SMG6: variants seen among roughly 807,000 people sequenced by gnomAD.
SMG6 encodes the protein telomerase-binding protein EST1A.
A neutral mutation model predicts 142.2 loss-of-function variants in SMG6; 66 were observed. The ratio of observed to expected loss-of-function variants is 0.46; its 90% CI spans 0.38 to 0.57. SMG6 has a LOEUF of 0.57. SMG6 is among the 20% of genes least tolerant of loss of function. The probability of loss-of-function intolerance (pLI) is 0.00; values close to 1 mark genes in which losing one functional copy is unlikely to be tolerated. For synonymous variants in SMG6, 779 were observed against 702.4 expected (o/e 1.11, Z -1.72); for missense variants, 1,793 against 1,832.0 (o/e 0.98, Z 0.39).
rs946501282 is a variant in SMG6 at position 2,090,200 on chromosome 17, A to G, written c.3358-4299T>C. Among the ~76,000 whole-genome samples the G allele has an allele frequency of 1.2e-4, 18 of 149,784 alleles. 1 individual carries two copies. The highest frequency in any genetic ancestry group is 2.7e-4 in the Non-Finnish European group (18 of 67,436). ...TCTGTCTCAAAAAAAAAAAAAAAAA[A>G]AAGGAAAGAAGAAAAAATGGTGTTC... is the stretch of plus-strand genomic sequence containing the variant. On this transcript the variant is annotated intron_variant, in intron 13 of 18. Coordinates refer to ENST00000263073, the MANE Select transcript of SMG6 (RefSeq NM_017575.5).
At chr17:2,127,160 A>G (rs2069922574) in intron 13 of SMG6, among the ~76,000 whole-genome samples, 1 of 151,416 alleles carries the variant, frequency 6.6e-6, no homozygotes, top group East Asian at 1.9e-4. Context: ...AAAAAAAAAA[A>G]AGACAAATAT....
intron 13 of SMG6, among the ~76,000 whole-genome samples, chr17:2,139,392 G>A (rs1013238681): frequency 5.3e-5 from 8 of 151,492 alleles, no homozygotes; most frequent in African/African-American, 7.3e-5. Context: ...CTATAAGACC[G>A]TGTGAAACTT....
chr17:2,287,854 A>G (rs975103714), intron 6 of SMG6, among the ~76,000 whole-genome samples: 11 of 152,228 alleles, frequency 7.2e-5, no homozygotes, highest in African/African-American at 2.7e-4. Flanking sequence ...AGCCAAATTC[A>G]TAGTGACAGA....
intron 8 of SMG6, among the ~76,000 whole-genome samples, chr17:2,278,670 C>T (rs2074714949): frequency 1.3e-5 from 2 of 152,098 alleles, no homozygotes; most frequent in African/African-American, 4.8e-5. Context: ...GCTTAAAATC[C>T]TTAGTACCTA....
chr17:2,297,686 G>C (rs557050118), intron 3 of SMG6, among the ~76,000 whole-genome samples, 177 bp downstream of exon 3: 5 of 152,182 alleles, frequency 3.3e-5, no homozygotes, highest in Admixed American at 2.6e-4. Context: ...AACTCCAATT[G>C]CCAGTAATTT....
intron 10 of SMG6, among the ~76,000 whole-genome samples, chr17:2,189,838 G>A (rs937727172): frequency 1.4e-5 from 2 of 147,026 alleles, no homozygotes; most frequent in South Asian, 2.1e-4. Flanking sequence ...CCCAACAAAC[G>A]AATAGCATCC....
intron 15 of SMG6, among the ~76,000 whole-genome samples, chr17:2,077,587 A>AC (rs1390402188): frequency 2.0e-5 from 3 of 152,256 alleles, no homozygotes; most frequent in African/African-American, 4.8e-5. Context: ...GGAGGGCCTT[A>AC]GTGTCTGCAC....
chr17:2,117,672 A>G (rs2151509741), intron 13 of SMG6: 1 of 152,370 alleles, frequency 6.6e-6, no homozygotes, highest in East Asian at 1.9e-4. Context: ...ATAAACTAGA[A>G]AAATGTTGTT....
At chr17:2,227,093 G>C (rs1372295814) in intron 10 of SMG6, among the ~76,000 whole-genome samples, 1 of 152,118 alleles carries the variant, frequency 6.6e-6, no homozygotes, top group African/African-American at 2.4e-5. Flanking sequence ...TGCTGACAAG[G>C]ATATAAAGAA....
At chr17:2,154,199 G>C (rs1396699650) in intron 13 of SMG6, among the ~76,000 whole-genome samples, 1 of 150,178 alleles carries the variant, frequency 6.7e-6, no homozygotes, top group East Asian at 2.0e-4. Context: ...GGGGGAACCT[G>C]GGGATGCACG....
intron 13 of SMG6, among the ~76,000 whole-genome samples, chr17:2,142,917 G>C (rs190039512): frequency 2.0e-5 from 3 of 147,020 alleles, no homozygotes; most frequent in African/African-American, 7.5e-5. Context: ...AAAAAAGTAG[G>C]CAAATATTTG....
intron 15 of SMG6, among the ~76,000 whole-genome samples, chr17:2,080,703 T>C (rs995072941): frequency 6.6e-6 from 1 of 151,960 alleles, no homozygotes; most frequent in Non-Finnish European, 1.5e-5. Context: ...TGGTGCAAGA[T>C]TGGCTCACTG....
intron 15 of SMG6, among the ~76,000 whole-genome samples, chr17:2,078,192 G>A (rs75158056): frequency 0.014 from 2,111 of 152,100 alleles, 45 homozygotes; most frequent in African/African-American, 0.047. Context: ...GCAATGCAGG[G>A]GCCTTGACTG....
rs146119013 is a variant in SMG6 at position 2,281,503 on chromosome 17, G to A, written c.2661+1144C>T. 6.1e-4 allele frequency among the ~76,000 whole-genome samples: 93 copies of A among 152,196 alleles called. 1 individual carries two copies. The highest frequency in any genetic ancestry group is 2.1e-3 in the African/African-American group (86 of 41,520). ...ATTCTACTGTAATAATATGACTTGT[G>A]TCTGTTCACTTCTTCCCACCTCCAA... On this transcript the variant is annotated intron_variant, in intron 8 of 18. Transcript: ENST00000263073.
rs764360988 is a variant in SMG6 at position 2,277,172 on chromosome 17, A to AT, written c.2661+5474dup. Among the ~76,000 whole-genome samples the AT allele has an allele frequency of 4.8e-3, 239 of 50,298 alleles. 4 individuals carry two copies. Among genetic ancestry groups the AT allele is most frequent in the Non-Finnish European group, 8.1e-3 (169 of 20,894 alleles). 33.0% of individuals were successfully genotyped at this position (50,298 alleles called of 152,430 possible). A position where few individuals can be genotyped will look rare whatever the true frequency, so the allele number is the denominator to read the frequency against. On this transcript the variant is annotated intron_variant, in intron 8 of 18. Transcript: ENST00000263073. ...TTATTTATTTATTTATTTATTTTTT[A>AT]TTTTTTTTTTTTTTGAGACAGAGTC... is the stretch of plus-strand genomic sequence containing the variant.
At chr17:2,164,658 C>A (rs943203158) in intron 13 of SMG6, among the ~76,000 whole-genome samples, 3 of 151,842 alleles carry the variant, frequency 2.0e-5, no homozygotes, top group Non-Finnish European at 4.4e-5. Flanking sequence ...AACAACCAGC[C>A]GGGAACGGTG....
chr17:2,246,618 G>A (rs979687099), intron 8 of SMG6, among the ~76,000 whole-genome samples: 7 of 152,206 alleles, frequency 4.6e-5, no homozygotes, highest in African/African-American at 1.7e-4. Flanking sequence ...ATACAGCAAG[G>A]TGAGTCAGGG....
At chr17:2,249,183 G>T (rs564631961) in intron 8 of SMG6, among the ~76,000 whole-genome samples, 14 of 150,552 alleles carry the variant, frequency 9.3e-5, no homozygotes, top group African/African-American at 3.4e-4. Context: ...GTGAGCCACC[G>T]CGAGAACTCT....
chr17:2,191,043 T>C (rs1046196900), intron 10 of SMG6, among the ~76,000 whole-genome samples: 2 of 152,204 alleles, frequency 1.3e-5, no homozygotes, highest in Admixed American at 6.5e-5. Context: ...ATACTGAGCA[T>C]GTAGAATGTT....
Sources: gnomAD v4.1 joint callset for allele counts (sites outside exome capture counted in the v4.1 genomes callset) on GRCh38, gnomAD v4.1.1 for gene constraint, MANE v1.5 for transcripts, NCBI Gene and HGNC (gene_info 2026-07-23, HGNC 2026-07-21) for gene names.